The following SERPINB12 variants were observed in gnomAD, a reference collection of about 807,000 sequenced individuals.
The protein encoded by SERPINB12 is serpin B12.
A neutral mutation model predicts 41.1 loss-of-function variants in SERPINB12; 57 were observed. The observed-to-expected ratio is 1.39, with a 90% CI of 1.12 to 1.73. SERPINB12 has a LOEUF of 1.73. SERPINB12 is among the 40% of genes most tolerant of loss of function. The pLI is 0.00. For missense variants in SERPINB12, 536 were observed against 501.9 expected, an observed-to-expected ratio of 1.07 and a Z score of -0.65; for synonymous variants, 180 against 181.3, an observed-to-expected ratio of 0.99 and a Z score of 0.06.
the SERPINB12 span, among the ~76,000 whole-genome samples, chr18:63,521,897 C>T: frequency 0.016 from 2,363 of 152,198 alleles, 72 homozygotes; most frequent in African/African-American, 0.054. Flanking sequence ...TGGAGCATTG[C>T]AGCTAGATAT....
At chr18:63,537,691 C>T (rs114913175), upstream of SERPINB12, among the ~76,000 whole-genome samples, 1,426 of 152,266 alleles carry the variant, frequency 9.4e-3, 17 homozygotes, top group African/African-American at 0.032. Context: ...CGAGTTTTAA[C>T]ACTACCTGAA....
At chr18:63,548,986 C>T (rs1007472543) in intron 1 of SERPINB12, among the ~76,000 whole-genome samples, 3 of 151,818 alleles carry the variant, frequency 2.0e-5, no homozygotes, top group Admixed American at 2.0e-4. Context: ...TAGAATTATT[C>T]ATATTAATAA....
chr18:63,556,090 C>T, intron 1 of SERPINB12, 52 bp from the exon 2 acceptor site: 2 of 1,316,026 alleles, frequency 1.5e-6, no homozygotes, highest in Non-Finnish European at 2.1e-6. Context: ...TGTTTGTTCA[C>T]TTATTTTCTT....
In SERPINB12 at chr18:63,556,253, C is replaced by A; in HGVS notation, c.94C>A (p.Pro32Thr). ...TCGTCATAAAAACATATTTTTCTCT[C>A]CCCTGAGCCTCTCAGCTGCCCTTGG... ...DDRHKNIFFS[P>T]LSLSAALGMV... Residue 32 changes from proline to threonine, a missense_variant, in exon 2 of 8, where the codon CCC (proline) becomes ACC (threonine). Pro to Thr is a conservative substitution (Grantham distance 38, BLOSUM62 -1). Coordinates refer to ENST00000382768, the MANE Select transcript of SERPINB12 (RefSeq NM_001307928.2). 6.2e-7 allele frequency: 1 copy of A among 1,613,992 alleles called. No homozygotes were observed. Among genetic ancestry groups the A allele is most frequent in the Non-Finnish European group, 8.5e-7 (1 of 1,179,922 alleles).
upstream of SERPINB12, among the ~76,000 whole-genome samples, chr18:63,539,915 G>C (rs1171325773): frequency 6.6e-6 from 1 of 152,128 alleles, no homozygotes; most frequent in Non-Finnish European, 1.5e-5. Context: ...AGTCATTGCT[G>C]GGTGCCACTG....
chr18:63,551,926 A>G (rs1371254944), intron 1 of SERPINB12, among the ~76,000 whole-genome samples: 1 of 152,254 alleles, frequency 6.6e-6, no homozygotes. Flanking sequence ...CACCGCACAG[A>G]GAGGCAATCA....
At chr18:63,543,227 G>A (rs1243047710) in intron 1 of SERPINB12, among the ~76,000 whole-genome samples, 1 of 152,134 alleles carries the variant, frequency 6.6e-6, no homozygotes, top group Non-Finnish European at 1.5e-5. Context: ...CTAAATGCAG[G>A]TCATCTAGTT....
chr18:63,520,882 T>C, the SERPINB12 span, among the ~76,000 whole-genome samples: 1 of 152,228 alleles, frequency 6.6e-6, no homozygotes, highest in African/African-American at 2.4e-5. Context: ...GAAAATGATA[T>C]TTATTTCGCA....
intron 1 of SERPINB12, among the ~76,000 whole-genome samples, chr18:63,552,751 G>A (rs1228333072): frequency 6.6e-6 from 1 of 152,026 alleles, no homozygotes; most frequent in Non-Finnish European, 1.5e-5. Flanking sequence ...TTCATAATTA[G>A]GTTGGTGTCA....
At chr18:63,536,673 C>A in the SERPINB12 span, among the ~76,000 whole-genome samples, 1 of 152,084 alleles carries the variant, frequency 6.6e-6, no homozygotes, top group African/African-American at 2.4e-5. Context: ...TTGGACAGAA[C>A]GATGATCTCC....
chr18:63,567,198 T>G lies in SERPINB12; in HGVS notation c.*187T>G, dbSNP rs951037268. Among the ~76,000 whole-genome samples the G allele has an allele frequency of 6.6e-6, 1 of 152,202 alleles. No homozygotes were observed. Among genetic ancestry groups the G allele is most frequent in the Admixed American group, 6.5e-5 (1 of 15,276 alleles). On this transcript the variant is annotated 3_prime_UTR_variant, in exon 8 of 8. Transcript: ENST00000382768. Reference sequence around the variant, plus strand: ...TTATTTTCATCTGAGTCTGTTAGTATTGAAGGGCTGTTGTTCTCTACCCTA... The same window carrying G: ...TTATTTTCATCTGAGTCTGTTAGTAGTGAAGGGCTGTTGTTCTCTACCCTA...
At position 63,556,441 on chromosome 18, in the gene SERPINB12, A is replaced by G. The variant is rs559458922; in HGVS notation, c.168+114A>G. On this transcript the variant is annotated intron_variant, in intron 2 of 7. Coordinates refer to ENST00000382768, the MANE Select transcript of SERPINB12 (RefSeq NM_001307928.2). ...GGCTTATTGCACCCTGGGCTTGGTCAGAACCCATCCCTGTCTCTGAGTCTT... is the reference window on the plus strand; with the variant it reads ...GGCTTATTGCACCCTGGGCTTGGTCGGAACCCATCCCTGTCTCTGAGTCTT... 7.8e-5 allele frequency: 64 copies of G among 818,130 alleles called. 2 individuals carry two copies. The South Asian group carries it at 1.6e-3, about 20-fold the overall frequency. 50.7% of individuals were successfully genotyped at this position (818,130 alleles called of 1,614,324 possible). A position where few individuals can be genotyped will look rare whatever the true frequency, so the allele number is the denominator to read the frequency against.
intron 1 of SERPINB12, among the ~76,000 whole-genome samples, chr18:63,545,251 C>A (rs1053936702): frequency 1.7e-4 from 25 of 150,902 alleles, no homozygotes; most frequent in Non-Finnish European, 8.8e-5. Context: ...ATAGCACTGT[C>A]AGGCTAGTTG....
At chr18:63,532,804 T>A in the SERPINB12 span, among the ~76,000 whole-genome samples, 1 of 152,118 alleles carries the variant, frequency 6.6e-6, no homozygotes, top group Non-Finnish European at 1.5e-5. Flanking sequence ...AGTTGAAAAG[T>A]AAGGAAAACA....
At chr18:63,564,315 G>C (rs2144351264) in intron 6 of SERPINB12, among the ~76,000 whole-genome samples, 195 bp downstream of exon 6, 1 of 152,300 alleles carries the variant, frequency 6.6e-6, no homozygotes, top group South Asian at 2.1e-4. Context: ...TCTTCCATTT[G>C]TTATTTCATT....
intron 5 of SERPINB12, among the ~76,000 whole-genome samples, chr18:63,562,439 T>C (rs573624491): frequency 1.3e-5 from 2 of 152,300 alleles, no homozygotes; most frequent in South Asian, 4.1e-4. Context: ...TTGCATACAT[T>C]TTGAGTGGCT....
chr18:63,562,177 G>A (rs1910933834), intron 5 of SERPINB12, among the ~76,000 whole-genome samples: 1 of 152,098 alleles, frequency 6.6e-6, no homozygotes, highest in African/African-American at 2.4e-5. Context: ...CTTCTAGGTG[G>A]GGCTTAGAGA....
intron 5 of SERPINB12, among the ~76,000 whole-genome samples, chr18:63,562,404 A>C (rs1316938461): frequency 6.6e-6 from 1 of 152,220 alleles, no homozygotes; most frequent in African/African-American, 2.4e-5. Flanking sequence ...TCCTGCCTTC[A>C]GAGTGAGACC....
chr18:63,553,458 G>T (rs552448097), intron 1 of SERPINB12, among the ~76,000 whole-genome samples: 3 of 152,232 alleles, frequency 2.0e-5, no homozygotes, highest in Non-Finnish European at 2.9e-5. Flanking sequence ...TCAGTTCTGG[G>T]AGTGCTCATG....
Sources: gnomAD v4.1 joint callset for allele counts (sites outside exome capture counted in the v4.1 genomes callset) on GRCh38, gnomAD v4.1.1 for gene constraint, MANE v1.5 for transcripts, NCBI Gene and HGNC (gene_info 2026-07-23, HGNC 2026-07-21) for gene names.